The following SLC44A1 variants were observed in gnomAD, a reference collection of about 807,000 sequenced individuals.
SLC44A1 encodes solute carrier family 44 member 1, also known as choline transporter-like protein 1.
SLC44A1 carries 26 observed loss-of-function variants against 79.3 expected under a neutral mutation model. The ratio of observed to expected loss-of-function variants is 0.33; its 90% CI spans 0.24 to 0.46. SLC44A1 has a LOEUF of 0.46. Among genes scored for constraint, SLC44A1 ranks in the 20% least tolerant of loss-of-function variants. The probability of loss-of-function intolerance (pLI) is 1.00; values close to 1 mark genes in which losing one functional copy is unlikely to be tolerated. For synonymous variants in SLC44A1, 263 were observed against 286.2 expected (o/e 0.92, Z 0.82); for missense variants, 688 against 798.1 (o/e 0.86, Z 1.66).
At chr9:105,347,952 C>T (rs1376635327) in intron 4 of SLC44A1, among the ~76,000 whole-genome samples, 2 of 152,016 alleles carry the variant, frequency 1.3e-5, no homozygotes, top group Admixed American at 6.6e-5. Context: ...CAGTTCTACT[C>T]CTACTAGCTC....
rs983317836 is a variant in SLC44A1, at chr9:105,396,822, A to G, written c.*7766A>G. 5.1e-6 allele frequency: 5 copies of G among 984,952 alleles called. No homozygotes were observed. The highest frequency in any genetic ancestry group is 6.0e-6 in the Non-Finnish European group (5 of 829,692). 61.0% of individuals were successfully genotyped at this position (984,952 alleles called of 1,614,324 possible). On this transcript the variant is annotated 3_prime_UTR_variant, in exon 16 of 16. Coordinates refer to ENST00000374720, the MANE Select transcript of SLC44A1 (RefSeq NM_080546.5). ...ATTATAAACTGGAGGATCACAGTTA[A>G]GCCTTCCATGAATTCATAGTTTGGA... is the stretch of plus-strand genomic sequence containing the variant.
chr9:105,309,843 T>C lies in SLC44A1; in HGVS notation c.246T>C (p.Ser82=). 6.2e-7 allele frequency: 1 copy of C among 1,613,788 alleles called. No homozygotes were observed. Among genetic ancestry groups the C allele is most frequent in the South Asian group, 1.1e-5 (1 of 91,060 alleles). The change falls in exon 3 of 16, where the codon AGT becomes AGC. Residue 82 remains serine, a synonymous_variant. Transcript: ENST00000374720. ...KNTKLEAIPN[S]GMDHTQRKYV... is the part of the protein sequence containing the mutation. ...CAAAGTTGGAAGCAATACCAAACAG[T>C]GGCATGGACCACACCCAGCGGAAGT...
chr9:105,400,487 C>CAAAAA (rs67752609), downstream of SLC44A1, among the ~76,000 whole-genome samples: 123,574 of 148,656 alleles, frequency 0.83, 51,444 homozygotes, highest in African/African-American at 0.87. Flanking sequence ...GACGCCATCT[C>CAAAAA]AAAAAAAGAA....
chr9:105,365,890 C>T (rs1284467605), intron 11 of SLC44A1, among the ~76,000 whole-genome samples: 1 of 152,172 alleles, frequency 6.6e-6, no homozygotes, highest in Non-Finnish European at 1.5e-5. Context: ...TACCTTCCTC[C>T]TTAGAACTTC....
At position 105,335,645 on chromosome 9, in the gene SLC44A1, C is replaced by T. The variant is rs548065965; in HGVS notation, c.352C>T (p.Pro118Ser). The T allele has an allele frequency of 8.1e-6, 13 of 1,613,582 alleles. No homozygotes were observed. The South Asian group carries it at 1.4e-4, about 18-fold the overall frequency. ...KSVALCVAAC[P>S]RQELKTLSDV... Reference sequence around the variant, plus strand: ...TGTAGCACTGTGTGTAGCAGCGTGTCCAAGGCAAGAACTGAAAACTCTGAG... The same window carrying T: ...TGTAGCACTGTGTGTAGCAGCGTGTTCAAGGCAAGAACTGAAAACTCTGAG... The change falls in exon 4 of 16, where the codon CCA (proline) becomes TCA (serine). Residue 118 changes from proline (P) to serine (S), a missense_variant. Physicochemically the swap from Pro to Ser is moderately conservative, Grantham distance 74. Transcript: ENST00000374720.
chr9:105,386,408 A>C (rs62575083), intron 15 of SLC44A1: 88 of 980,716 alleles, frequency 9.0e-5, no homozygotes, highest in Non-Finnish European at 1.0e-4. Context: ...CCCTGACTGC[A>C]TATAATGTTC....
At chr9:105,417,491 A>G (rs1829186642) in intron 15 of SLC44A1, among the ~76,000 whole-genome samples, 1 of 152,092 alleles carries the variant, frequency 6.6e-6, no homozygotes, top group East Asian at 1.9e-4. Context: ...AATCTGATGG[A>G]CTTGAGTTTG....
intron 1 of SLC44A1, among the ~76,000 whole-genome samples, chr9:105,293,887 T>C (rs1830659469): frequency 6.6e-6 from 1 of 152,208 alleles, no homozygotes; most frequent in Non-Finnish European, 1.5e-5. Context: ...TCATGGTGAA[T>C]GTGGAGTCTA....
chr9:105,259,140 G>GCT (rs1829783302), intron 1 of SLC44A1, among the ~76,000 whole-genome samples: 1 of 152,132 alleles, frequency 6.6e-6, no homozygotes, highest in Non-Finnish European at 1.5e-5. Flanking sequence ...AGGACCAATG[G>GCT]CTACTGTGCG....
intron 12 of SLC44A1, among the ~76,000 whole-genome samples, chr9:105,371,591 T>C (rs753068130): frequency 4.0e-5 from 6 of 151,526 alleles, no homozygotes; most frequent in Non-Finnish European, 8.8e-5. Flanking sequence ...ATTAGCCGGG[T>C]GCCTGTAGTC....
intron 12 of SLC44A1, among the ~76,000 whole-genome samples, chr9:105,369,161 T>G (rs1323903458): frequency 6.6e-6 from 1 of 152,248 alleles, no homozygotes; most frequent in African/African-American, 2.4e-5. Context: ...TTTGACTTTG[T>G]GCCCTGTCTT....
intron 3 of SLC44A1, among the ~76,000 whole-genome samples, chr9:105,324,663 C>A (rs867336132): frequency 1.3e-5 from 2 of 152,136 alleles, no homozygotes; most frequent in African/African-American, 4.8e-5. Flanking sequence ...CTGTCTTACT[C>A]AGAGATCTGA....
chr9:105,391,826 A>C lies in SLC44A1; in HGVS notation c.*2770A>C, dbSNP rs893569456. 2.0e-6 allele frequency: 2 copies of C among 985,126 alleles called. No homozygotes were observed. Among genetic ancestry groups the C allele is most frequent in the Non-Finnish European group, 2.4e-6 (2 of 829,824 alleles). 61.0% of individuals were successfully genotyped at this position (985,126 alleles called of 1,614,324 possible). On this transcript the variant is annotated 3_prime_UTR_variant, in exon 16 of 16. Transcript: ENST00000374720. ...AATAATTTCATAAATCATTGATTCT[A>C]TGTGGTGGTTTTTGTCTTCTTCTGT...
chr9:105,364,528 T>G (rs765076434), intron 9 of SLC44A1, 27 bp from the exon 10 acceptor site: 33 of 1,590,190 alleles, frequency 2.1e-5, no homozygotes, highest in Non-Finnish European at 2.7e-5. Context: ...TATGTGCTTC[T>G]TCTTTCCTTC....
intron 4 of SLC44A1, among the ~76,000 whole-genome samples, chr9:105,342,716 C>T (rs778241027): frequency 4.6e-5 from 7 of 152,282 alleles, no homozygotes; most frequent in Middle Eastern, 3.4e-3. Flanking sequence ...AAACATCAGA[C>T]GTAAGCCCTG....
At chr9:105,377,331 A>G (rs1037336863) in intron 13 of SLC44A1, among the ~76,000 whole-genome samples, 10 of 152,254 alleles carry the variant, frequency 6.6e-5, no homozygotes, top group Non-Finnish European at 1.3e-4. Flanking sequence ...GGAAATGAAT[A>G]TCTCAAGATG....
At position 105,392,747 on chromosome 9, in the gene SLC44A1, G is replaced by T; in HGVS notation, c.*3691G>T. The T allele has an allele frequency of 1.0e-6, 1 of 985,334 alleles. No homozygotes were observed. 61.0% of individuals were successfully genotyped at this position (985,334 alleles called of 1,614,324 possible). ...GCCATTTTAAGAGATCTCCTAGCCTGCAAGGTAGAATTCTGGGATCAGTTC... is the reference window on the plus strand; with the variant it reads ...GCCATTTTAAGAGATCTCCTAGCCTTCAAGGTAGAATTCTGGGATCAGTTC... On this transcript the variant is annotated 3_prime_UTR_variant, in exon 16 of 16. Transcript: ENST00000374720.
chr9:105,349,808 A>G (rs548830823), intron 5 of SLC44A1, among the ~76,000 whole-genome samples: 1 of 152,290 alleles, frequency 6.6e-6, no homozygotes, highest in African/African-American at 2.4e-5. Flanking sequence ...TATAGCCAGA[A>G]AGCCTGGGTG....
chr9:105,325,781 G>C (rs1026153199), intron 3 of SLC44A1, among the ~76,000 whole-genome samples: 2 of 152,212 alleles, frequency 1.3e-5, no homozygotes, highest in African/African-American at 4.8e-5. Flanking sequence ...AATTCTAATG[G>C]ATAGGAGGTT....
Sources: gnomAD v4.1 joint callset for allele counts (sites outside exome capture counted in the v4.1 genomes callset) on GRCh38, gnomAD v4.1.1 for gene constraint, MANE v1.5 for transcripts, NCBI Gene and HGNC (gene_info 2026-07-23, HGNC 2026-07-21) for gene names.